The following LPP variants were observed in gnomAD, a reference collection of about 807,000 sequenced individuals.
LPP encodes LIM domain containing preferred translocation partner in lipoma.
LPP carries 38 observed loss-of-function variants against 60.4 expected under a neutral mutation model. That is an observed-to-expected ratio of 0.63 (90% CI 0.49 to 0.83). The LOEUF (loss-of-function observed/expected upper bound fraction) is 0.83, where lower values mean the gene tolerates loss of function less well. LPP is among the 40% of genes least tolerant of loss of function. The probability of loss-of-function intolerance (pLI) is 0.00; values close to 1 mark genes in which losing one functional copy is unlikely to be tolerated. For synonymous variants in LPP, 328 were observed against 290.8 expected (o/e 1.13, Z -1.30); for missense variants, 902 against 783.6 (o/e 1.15, Z -1.80).
intron 8 of LPP, among the ~76,000 whole-genome samples, chr3:188,740,594 A>G (rs1724072364): frequency 6.6e-6 from 1 of 152,036 alleles, no homozygotes; most frequent in African/African-American, 2.4e-5. Context: ...TATTTCAGGC[A>G]CAATAACTGG....
At chr3:188,541,933 T>G (rs940071199) in intron 6 of LPP, among the ~76,000 whole-genome samples, 1 of 152,032 alleles carries the variant, frequency 6.6e-6, no homozygotes, top group Non-Finnish European at 1.5e-5. Context: ...AAATAAAAAT[T>G]GTATAGATTT....
At chr3:188,354,914 C>G (rs1767106812) in intron 3 of LPP, among the ~76,000 whole-genome samples, 1 of 152,170 alleles carries the variant, frequency 6.6e-6, no homozygotes, top group Non-Finnish European at 1.5e-5. Flanking sequence ...TGTCTGCTTT[C>G]TTCAGAATTT....
At chr3:188,650,699 A>T (rs1851909910) in intron 7 of LPP, among the ~76,000 whole-genome samples, 2 of 152,336 alleles carry the variant, frequency 1.3e-5, no homozygotes, top group East Asian at 3.9e-4. Flanking sequence ...GCATTTGATT[A>T]TTAGGATTTT....
chr3:188,521,531 A>G (rs867004807), intron 5 of LPP, among the ~76,000 whole-genome samples: 2 of 152,192 alleles, frequency 1.3e-5, no homozygotes, highest in African/African-American at 4.8e-5. Context: ...TCTCTTTACT[A>G]ATACCCCAAG....
chr3:188,581,924 T>G lies in LPP; in HGVS notation c.430-27237T>G, dbSNP rs148561317. Among the ~76,000 whole-genome samples the G allele has an allele frequency of 5.9e-5, 9 of 152,080 alleles. No homozygotes were observed. The East Asian group carries it at 1.8e-3, about 30-fold the overall frequency. Reference sequence around the variant, plus strand: ...TCTGTGGTTCAATACTTCAGCCGACTCTTCCAACACATGACCTTCTTTCGG... The same window carrying G: ...TCTGTGGTTCAATACTTCAGCCGACGCTTCCAACACATGACCTTCTTTCGG... On this transcript the variant is annotated intron_variant, in intron 6 of 11. Transcript: ENST00000617246.
At chr3:188,172,529 G>T (rs1224104775) in intron 1 of LPP, among the ~76,000 whole-genome samples, 1 of 152,148 alleles carries the variant, frequency 6.6e-6, no homozygotes, top group Non-Finnish European at 1.5e-5. Context: ...ATTTGGAAAA[G>T]ATAATAGAGA....
intron 7 of LPP, among the ~76,000 whole-genome samples, chr3:188,666,535 T>A (rs1251211953): frequency 6.6e-6 from 1 of 152,226 alleles, no homozygotes; most frequent in Non-Finnish European, 1.5e-5. Flanking sequence ...TTAGGTAAGA[T>A]GCTTAATTTT....
intron 2 of LPP, among the ~76,000 whole-genome samples, chr3:188,326,518 C>T (rs1758466640): frequency 6.6e-6 from 1 of 152,128 alleles, no homozygotes; most frequent in Admixed American, 6.5e-5. Flanking sequence ...GGGGCATGAT[C>T]GTTTCTATAC....
intron 9 of LPP, among the ~76,000 whole-genome samples, chr3:188,807,258 A>G (rs1749446868): frequency 6.6e-6 from 1 of 151,720 alleles, no homozygotes; most frequent in Non-Finnish European, 1.5e-5. Flanking sequence ...ACTGATCTCA[A>G]ACTTTTATCC....
chr3:188,774,866 C>G (rs1441617153), intron 9 of LPP, among the ~76,000 whole-genome samples: 1 of 152,016 alleles, frequency 6.6e-6, no homozygotes, highest in Non-Finnish European at 1.5e-5. Flanking sequence ...CTCAAAGGCC[C>G]CATATACACA....
intron 9 of LPP, among the ~76,000 whole-genome samples, chr3:188,828,450 CA>C (rs756013067): frequency 0.013 from 1,598 of 118,850 alleles, 13 homozygotes; most frequent in African/African-American, 0.027. Flanking sequence ...ACTAAAAATA[CA>C]AAAAAAAAAA....
intron 1 of LPP, among the ~76,000 whole-genome samples, chr3:188,193,227 G>C (rs1728659052): frequency 6.6e-6 from 1 of 152,068 alleles, no homozygotes; most frequent in South Asian, 2.1e-4. Context: ...GAAGAAGTTG[G>C]CGTTCTGGTA....
At chr3:188,242,043 C>G (rs2149476633) in intron 2 of LPP, among the ~76,000 whole-genome samples, 1 of 152,072 alleles carries the variant, frequency 6.6e-6, no homozygotes, top group East Asian at 1.9e-4. Flanking sequence ...GGATGATGTG[C>G]TTTTTTTGGG....
chr3:188,240,452 A>G (rs539786480), intron 2 of LPP, among the ~76,000 whole-genome samples: 65 of 152,090 alleles, frequency 4.3e-4, no homozygotes, highest in African/African-American at 1.5e-3. Flanking sequence ...GACAGTAGCA[A>G]CTTCATAGGC....
At chr3:188,311,523 T>A (rs1231706869) in intron 2 of LPP, among the ~76,000 whole-genome samples, 1 of 141,474 alleles carries the variant, frequency 7.1e-6, no homozygotes, top group African/African-American at 2.6e-5. Flanking sequence ...TAAACTAAAC[T>A]AAACTAAAAG....
intron 2 of LPP, among the ~76,000 whole-genome samples, chr3:188,333,106 A>T (rs1760611704): frequency 1.3e-5 from 2 of 152,186 alleles, no homozygotes; most frequent in Non-Finnish European, 1.5e-5. Flanking sequence ...TAATCTCATG[A>T]TAGTAGAACA....
chr3:188,489,535 G>A (rs753080401), intron 5 of LPP, among the ~76,000 whole-genome samples: 16 of 152,206 alleles, frequency 1.1e-4, no homozygotes, highest in Non-Finnish European at 2.2e-4. Context: ...GTTTCTAACT[G>A]TGGAACCTAC....
intron 4 of LPP, among the ~76,000 whole-genome samples, chr3:188,412,067 T>C (rs987607498): frequency 2.0e-5 from 3 of 152,032 alleles, no homozygotes; most frequent in African/African-American, 4.8e-5. Context: ...TTGGAAAGAT[T>C]TGTAAAGTTC....
chr3:188,334,024 C>T (rs1760883139), intron 2 of LPP, among the ~76,000 whole-genome samples: 1 of 152,192 alleles, frequency 6.6e-6, no homozygotes, highest in South Asian at 2.1e-4. Flanking sequence ...TATCCTCCCC[C>T]TCCTGCTACT....
Sources: allele counts gnomAD v4.1 joint callset (sites outside exome capture counted in the v4.1 genomes callset), GRCh38; gene constraint gnomAD v4.1.1; transcripts MANE v1.5; gene names NCBI Gene and HGNC (gene_info 2026-07-23, HGNC 2026-07-21).